Variants in CREB5 observed in about 807,000 individuals in gnomAD.
The protein encoded by CREB5 is cAMP responsive element binding protein 5.
A neutral mutation model predicts 57.1 loss-of-function variants in CREB5; 19 were observed. That is an observed-to-expected ratio of 0.33 (90% CI 0.23 to 0.49). CREB5 has a LOEUF of 0.49. Among genes scored for constraint, CREB5 ranks in the 20% least tolerant of loss-of-function variants. The pLI, the probability that CREB5 is intolerant of heterozygous loss-of-function variation, is 0.99. For missense variants in CREB5, 579 were observed against 671.6 expected (o/e 0.86, Z 1.52); for synonymous variants, 238 against 238.3 (o/e 1.00, Z 0.01).
At chr7:28,352,808 A>C (rs1786260703) in intron 1 of CREB5, among the ~76,000 whole-genome samples, 1 of 152,200 alleles carries the variant, frequency 6.6e-6, no homozygotes, top group Non-Finnish European at 1.5e-5. Flanking sequence ...CATTATCTCC[A>C]TTTTACAGAC....
intron 5 of CREB5, among the ~76,000 whole-genome samples, chr7:28,634,687 T>C (rs993251963): frequency 6.6e-6 from 1 of 152,176 alleles, no homozygotes; most frequent in African/African-American, 2.4e-5. Flanking sequence ...TTTCTCTTTT[T>C]TCCATGGGCT....
rs1472586069 is a variant in CREB5 at position 28,353,189 on chromosome 7, A to G, written c.-25+53748A>G. Among the ~76,000 whole-genome samples the G allele has an allele frequency of 2.6e-5, 4 of 152,154 alleles. No homozygotes were observed. The East Asian group carries it at 7.7e-4, about 29-fold the overall frequency. ...ACTGCAACCTGCGCCTCCCAGGTTC[A>G]AGTGATTGTCCTGCCTCAGCCTCCC... On this transcript the variant is annotated intron_variant, in intron 1 of 9. Coordinates refer to the CREB5 transcript ENST00000396299.
intron 1 of CREB5, among the ~76,000 whole-genome samples, chr7:28,448,636 A>G (rs1789621106): frequency 6.6e-6 from 1 of 152,222 alleles, no homozygotes; most frequent in South Asian, 2.1e-4. Context: ...TTCTTCAGGT[A>G]GCTTGGCTGG....
chr7:28,781,598 C>G (rs1227111541), intron 7 of CREB5, among the ~76,000 whole-genome samples: 1 of 152,170 alleles, frequency 6.6e-6, no homozygotes. Context: ...GAAGCCAGAC[C>G]TTCAGCACCA....
At chr7:28,608,119 ACACT>A (rs369823654) in intron 5 of CREB5, among the ~76,000 whole-genome samples, 55,886 of 107,774 alleles carry the variant, frequency 0.52, 11,597 homozygotes, top group Non-Finnish European at 0.58. Context: ...TCTCTCACAC[ACACT>A]CACACACACA....
intron 7 of CREB5, among the ~76,000 whole-genome samples, chr7:28,736,625 A>C (rs1803994534): frequency 6.6e-6 from 1 of 152,096 alleles, no homozygotes; most frequent in African/African-American, 2.4e-5. Context: ...AAGGATTTGA[A>C]CCCAGCTCTG....
intron 4 of CREB5, among the ~76,000 whole-genome samples, chr7:28,509,083 T>C (rs1371961132): frequency 1.3e-5 from 2 of 152,206 alleles, no homozygotes; most frequent in East Asian, 3.8e-4. Context: ...TTTTTTTTGA[T>C]AGACATGTGT....
intron 5 of CREB5, among the ~76,000 whole-genome samples, chr7:28,717,987 T>C (rs774820617): frequency 3.3e-5 from 5 of 152,222 alleles, no homozygotes; most frequent in Admixed American, 6.5e-5. Context: ...TTAAGGCTCT[T>C]AAAATTGTTT....
At chr7:28,472,959 T>C (rs1423293922) in intron 1 of CREB5, among the ~76,000 whole-genome samples, 3 of 152,184 alleles carry the variant, frequency 2.0e-5, no homozygotes, top group Non-Finnish European at 2.9e-5. Flanking sequence ...TTTGCTCTCC[T>C]TTCTGCCTGG....
At chr7:28,458,041 G>A (rs571665477) in intron 1 of CREB5, among the ~76,000 whole-genome samples, 77 of 152,264 alleles carry the variant, frequency 5.1e-4, no homozygotes, top group South Asian at 3.9e-3. Context: ...CCCCATAAGA[G>A]GAAGCTGTGT....
intron 5 of CREB5, among the ~76,000 whole-genome samples, chr7:28,699,782 G>A (rs1229918514): frequency 6.6e-6 from 1 of 152,008 alleles, no homozygotes; most frequent in Non-Finnish European, 1.5e-5. Context: ...AGAACAATAG[G>A]GCCAAGAAGG....
At chr7:28,690,290 T>C (rs1326909693) in intron 5 of CREB5, among the ~76,000 whole-genome samples, 1 of 152,174 alleles carries the variant, frequency 6.6e-6, no homozygotes, top group Non-Finnish European at 1.5e-5. Context: ...GGCATCAATC[T>C]CTTCCCTCTG....
At chr7:28,360,221 T>C (rs1420585210) in intron 1 of CREB5, among the ~76,000 whole-genome samples, 1 of 152,244 alleles carries the variant, frequency 6.6e-6, no homozygotes, top group African/African-American at 2.4e-5. Flanking sequence ...CTTCTGGTTA[T>C]ATATCTAAAC....
intron 5 of CREB5, among the ~76,000 whole-genome samples, chr7:28,584,358 G>C (rs1482984895): frequency 6.6e-6 from 1 of 152,160 alleles, no homozygotes; most frequent in Non-Finnish European, 1.5e-5. Flanking sequence ...AATAGGGTCT[G>C]TAATCAGGTT....
Position 28,714,418 on chromosome 7 carries a change from C to T in CREB5, c.465-4335C>T, listed in dbSNP as rs529497210. On this transcript the variant is annotated intron_variant, in intron 5 of 10. Transcript: ENST00000357727. ...GTCCTGAGAGTTTAACAGATAGTCC[C>T]AGTGTGCCACAGATCTTCTGAAGAC... Among the ~76,000 whole-genome samples, 5 of 152,250 alleles carry T rather than the reference C, an allele frequency of 3.3e-5. No individual in the cohort carries two copies. In the South Asian group the frequency reaches 1.0e-3, roughly 32 times the overall value.
chr7:28,527,518 CT>C (rs1562775874), intron 4 of CREB5, among the ~76,000 whole-genome samples: 1 of 152,198 alleles, frequency 6.6e-6, no homozygotes, highest in East Asian at 1.9e-4. Context: ...GACCACTGGT[CT>C]AAAAATTCTC....
chr7:28,777,421 C>T, intron 7 of CREB5, among the ~76,000 whole-genome samples: 1 of 152,138 alleles, frequency 6.6e-6, no homozygotes, highest in East Asian at 1.9e-4. Flanking sequence ...TAATTTCCAT[C>T]CCATGTTTAT....
intron 1 of CREB5, among the ~76,000 whole-genome samples, chr7:28,329,792 G>T (rs1222223317): frequency 1.3e-5 from 2 of 152,228 alleles, no homozygotes; most frequent in Non-Finnish European, 2.9e-5. Flanking sequence ...GGACAGAGGG[G>T]CATGAATTCT....
chr7:28,369,624 A>G (rs933561339), intron 1 of CREB5, among the ~76,000 whole-genome samples: 1 of 152,182 alleles, frequency 6.6e-6, no homozygotes, highest in Non-Finnish European at 1.5e-5. Flanking sequence ...TTATCACCCC[A>G]TCCGATTCCC....
Sources: allele counts gnomAD v4.1 joint callset (sites outside exome capture counted in the v4.1 genomes callset), GRCh38; gene constraint gnomAD v4.1.1; transcripts MANE v1.5; gene names NCBI Gene and HGNC (gene_info 2026-07-23, HGNC 2026-07-21).